The following IL5RA variants were observed in gnomAD, a reference collection of about 807,000 sequenced individuals.
IL5RA encodes interleukin 5 receptor subunit alpha.
Under a neutral mutation model 50.0 loss-of-function variants are expected in IL5RA, and 49 were observed. The ratio of observed to expected loss-of-function variants is 0.98; its 90% CI spans 0.78 to 1.24. The LOEUF is 1.24. IL5RA is among the 50% of genes most tolerant of loss of function. The probability of loss-of-function intolerance (pLI) is 0.00; values close to 1 mark genes in which losing one functional copy is unlikely to be tolerated. For missense variants in IL5RA, 600 were observed against 500.4 expected (o/e 1.20, Z -1.90); for synonymous variants, 202 against 174.0 (o/e 1.16, Z -1.26).
Position 3,069,408 on chromosome 3 carries a change from G to C in IL5RA, c.*817C>G, listed in dbSNP as rs1313217937. The C allele has an allele frequency of 6.6e-6, 1 of 152,214 alleles. No homozygotes were observed. Among genetic ancestry groups the C allele is most frequent in the East Asian group, 1.9e-4 (1 of 5,198 alleles). The allele number at this position is 152,214 out of a possible 1,614,324, so 9.4% of individuals were successfully genotyped here. A position where few individuals can be genotyped will look rare whatever the true frequency, so the allele number is the denominator to read the frequency against. On this transcript the variant is annotated 3_prime_UTR_variant, in exon 12 of 12. Transcript: ENST00000446632. ...GTCTTTGGCAGCAAACATCTCTTCAGAAAGTTCATTCTTGATTCAGTGGTC... is the reference window on the plus strand; with the variant it reads ...GTCTTTGGCAGCAAACATCTCTTCACAAAGTTCATTCTTGATTCAGTGGTC...
At chr3:3,106,736 A>G (rs1046503382) in intron 2 of IL5RA, among the ~76,000 whole-genome samples, 3 of 152,192 alleles carry the variant, frequency 2.0e-5, no homozygotes, top group African/African-American at 4.8e-5. Context: ...TCTTTAAGTT[A>G]TGAAGGTGAT....
At position 3,092,047 on chromosome 3, in the gene IL5RA, T is replaced by C; in HGVS notation, c.994+177A>G. Reference sequence around the variant, plus strand: ...TGAGAAGCCTAGACACTTAAAAACTTCACTGGCTTCATGGCAAATCTATTC... The same window carrying C: ...TGAGAAGCCTAGACACTTAAAAACTCCACTGGCTTCATGGCAAATCTATTC... On this transcript the variant is annotated intron_variant, in intron 9 of 11. Coordinates refer to ENST00000446632, the MANE Select transcript of IL5RA (RefSeq NM_175726.4). The surrounding 1 kb of genome is among the most constrained non-coding windows in gnomAD (Gnocchi z 4.2). The C allele has an allele frequency of 7.3e-7, 1 of 1,371,950 alleles. No homozygotes were observed. Among genetic ancestry groups the C allele is most frequent in the Non-Finnish European group, 9.4e-7 (1 of 1,066,622 alleles). 85.0% of individuals were successfully genotyped at this position (1,371,950 alleles called of 1,614,324 possible). A position where few individuals can be genotyped will look rare whatever the true frequency, so the allele number is the denominator to read the frequency against.
chr3:3,095,435 T>C lies in IL5RA; in HGVS notation c.719A>G (p.Asn240Ser). ...CTCTGCTGTGACATTCAGTGGAGGATTTATTTGATCTAAGTTAGGGAACGA... is the reference window on the plus strand; with the variant it reads ...CTCTGCTGTGACATTCAGTGGAGGACTTATTTGATCTAAGTTAGGGAACGA... The part of the protein sequence containing the change: ...LFALHAIDQI[N>S]PPLNVTAEIE... Residue 240 changes from asparagine (N) to serine (S), a missense_variant, in exon 8 of 12, where the codon AAT (asparagine) becomes AGT (serine). Coordinates refer to ENST00000446632, the MANE Select transcript of IL5RA (RefSeq NM_175726.4). The C allele has an allele frequency of 1.2e-6, 2 of 1,609,658 alleles. No homozygotes were observed. Among genetic ancestry groups the C allele is most frequent in the Non-Finnish European group, 8.5e-7 (1 of 1,178,900 alleles).
intron 9 of IL5RA, among the ~76,000 whole-genome samples, chr3:3,083,665 T>C (rs1702745817): frequency 6.6e-6 from 1 of 152,226 alleles, no homozygotes; most frequent in Non-Finnish European, 1.5e-5. Flanking sequence ...AAGGGGTTGC[T>C]GGGCCTATTT....
At position 3,074,834 on chromosome 3, in the gene IL5RA, A is replaced by G. The variant is rs149306264; in HGVS notation, c.1124T>C (p.Ile375Thr). ...CHLWIKLFPPIPAPKSNIKDL... is the reference protein window; with the variant it reads ...CHLWIKLFPPTPAPKSNIKDL... ...TTTGATATTACTTTTTGGTGCTGGA[A>G]TTGGTGGAAACAACTTGATCCATAA... is the stretch of plus-strand genomic sequence containing the variant. Residue 375 changes from isoleucine (I) to threonine (T), a missense_variant, in exon 11 of 12, where the codon ATT becomes ACT. By Grantham distance (89) the Ile-to-Thr change is moderately conservative. Transcript: ENST00000446632. 4.0e-5 allele frequency: 64 copies of G among 1,610,792 alleles called. 1 individual carries two copies. The African/African-American group carries it at 8.3e-4, about 21-fold the overall frequency.
rs1652641256 is a variant in IL5RA at position 3,092,459 on chromosome 3, A to G, written c.856-97T>C. The G allele has an allele frequency of 1.8e-6, 2 of 1,108,878 alleles. No individual in the cohort carries two copies. The highest frequency in any genetic ancestry group is 2.6e-6 in the Non-Finnish European group (2 of 759,290). 68.7% of individuals were successfully genotyped at this position (1,108,878 alleles called of 1,614,324 possible). A position where few individuals can be genotyped will look rare whatever the true frequency, so the allele number is the denominator to read the frequency against. ...AGGTCCTATATAGGTCATGTGACTCACTGTTCAGCAAGTCCTTTAAAATCA... is the reference window on the plus strand; with the variant it reads ...AGGTCCTATATAGGTCATGTGACTCGCTGTTCAGCAAGTCCTTTAAAATCA... On this transcript the variant is annotated intron_variant, in intron 8 of 11. Transcript: ENST00000446632. This position sits in a 1 kb window ranked among gnomAD's most constrained non-coding sequence, Gnocchi z 4.2.
intron 9 of IL5RA, chr3:3,090,378 T>C (rs1703035761): frequency 2.8e-6 from 2 of 718,290 alleles, no homozygotes; most frequent in Non-Finnish European, 2.4e-6. Context: ...CATGCTCTTA[T>C]AGACCTAGTG....
intron 9 of IL5RA, among the ~76,000 whole-genome samples, chr3:3,089,629 G>A (rs1305237722): frequency 6.6e-6 from 1 of 151,838 alleles, no homozygotes; most frequent in South Asian, 2.1e-4. Flanking sequence ...AATCACAAAG[G>A]TTGGCTACCA....
chr3:3,074,723 G>T, intron 11 of IL5RA, 59 bp downstream of exon 11: 1 of 966,498 alleles, frequency 1.0e-6, no homozygotes, highest in Non-Finnish European at 1.6e-6. Flanking sequence ...CCGAATGACA[G>T]CTCCCAGGGG....
intron 2 of IL5RA, among the ~76,000 whole-genome samples, chr3:3,106,997 A>G (rs334783): frequency 6.6e-6 from 1 of 152,150 alleles, no homozygotes; most frequent in Admixed American, 6.6e-5. Flanking sequence ...AGATAATTGA[A>G]TATTTTATAT....
chr3:3,096,563 T>C (rs1018814840), intron 7 of IL5RA, among the ~76,000 whole-genome samples: 1 of 152,162 alleles, frequency 6.6e-6, no homozygotes, highest in Non-Finnish European at 1.5e-5. Flanking sequence ...TTAGTAATCC[T>C]AGGAATCAGC....
intron 7 of IL5RA, among the ~76,000 whole-genome samples, chr3:3,097,054 G>T (rs932809876): frequency 6.6e-6 from 1 of 152,182 alleles, no homozygotes; most frequent in African/African-American, 2.4e-5. Flanking sequence ...TGGCCCCACA[G>T]CCCATAATAA....
At chr3:3,085,382 A>C (rs1325389250) in intron 9 of IL5RA, among the ~76,000 whole-genome samples, 1 of 152,198 alleles carries the variant, frequency 6.6e-6, no homozygotes, top group Non-Finnish European at 1.5e-5. Flanking sequence ...CCCTCCTACA[A>C]CATTTCCCTT....
chr3:3,102,863 G>C, intron 3 of IL5RA, 43 bp from the exon 4 acceptor site: 1 of 1,543,276 alleles, frequency 6.5e-7, no homozygotes, highest in Non-Finnish European at 8.8e-7. Flanking sequence ...TGTTCAACTG[G>C]ACATAGGCAG....
At chr3:3,073,596 A>G (rs1196100181) in intron 11 of IL5RA, among the ~76,000 whole-genome samples, 1 of 152,228 alleles carries the variant, frequency 6.6e-6, no homozygotes, top group East Asian at 1.9e-4. Flanking sequence ...TTAAGGATAA[A>G]TTTGACAAAG....
chr3:3,075,118 T>G (rs1162533922), intron 10 of IL5RA, among the ~76,000 whole-genome samples: 6 of 151,840 alleles, frequency 4.0e-5, no homozygotes, highest in Non-Finnish European at 8.8e-5. Flanking sequence ...AGGCCTAATA[T>G]CTGAAAACGA....
chr3:3,090,596 T>C (rs1240194351), intron 9 of IL5RA, among the ~76,000 whole-genome samples: 1 of 144,872 alleles, frequency 6.9e-6, no homozygotes, highest in African/African-American at 2.6e-5. Context: ...AGATGGAGTC[T>C]CACTCTATTG....
chr3:3,103,635 C>T (rs1703762176), intron 3 of IL5RA, among the ~76,000 whole-genome samples: 1 of 152,182 alleles, frequency 6.6e-6, no homozygotes, highest in Admixed American at 6.5e-5. Context: ...CATTCTCTGA[C>T]TTTGCTTTCA....
intron 10 of IL5RA, among the ~76,000 whole-genome samples, chr3:3,076,100 G>A (rs1702472443): frequency 6.6e-6 from 1 of 152,094 alleles, no homozygotes. Context: ...GCCACTCAGG[G>A]GCCTGGTGAC....
Sources: gnomAD v4.1 joint callset for allele counts (sites outside exome capture counted in the v4.1 genomes callset) on GRCh38, gnomAD v4.1.1 for gene constraint, Gnocchi (gnomAD v3.1) non-coding constraint, MANE v1.5 for transcripts, NCBI Gene and HGNC (gene_info 2026-07-23, HGNC 2026-07-21) for gene names.